EXT1: variants seen among roughly 807,000 people sequenced by gnomAD.
EXT1 encodes exostosin glycosyltransferase 1, also known as exostosin-1.
Under a neutral mutation model 82.5 loss-of-function variants are expected in EXT1, and 20 were observed. The ratio of observed to expected loss-of-function variants is 0.24; its 90% confidence interval spans 0.17 to 0.35. EXT1 has a LOEUF of 0.35. Among genes scored for constraint, EXT1 ranks in the 10% least tolerant of loss-of-function variants. The probability of loss-of-function intolerance (pLI) is 1.00; values close to 1 mark genes in which losing one functional copy is unlikely to be tolerated. For synonymous variants in EXT1, 348 were observed against 350.8 expected (o/e 0.99, Z 0.09); for missense variants, 757 against 936.5 (o/e 0.81, Z 2.50).
chr8:117,912,622 G>A (rs921725154), intron 1 of EXT1, among the ~76,000 whole-genome samples: 1 of 152,208 alleles, frequency 6.6e-6, no homozygotes, highest in Non-Finnish European at 1.5e-5. Flanking sequence ...AGAGCACTGG[G>A]TGGCAGAGGC....
chr8:118,084,244 A>G (rs1347265622), intron 1 of EXT1, among the ~76,000 whole-genome samples: 1 of 152,202 alleles, frequency 6.6e-6, no homozygotes, highest in Non-Finnish European at 1.5e-5. Flanking sequence ...CAGAGTTAAG[A>G]TGCAAGGAAC....
chr8:118,047,951 G>A (rs933526032), intron 1 of EXT1, among the ~76,000 whole-genome samples: 8 of 151,838 alleles, frequency 5.3e-5, no homozygotes, highest in South Asian at 2.1e-4. Context: ...GCTTGAATCC[G>A]GGAGGCAGAG....
intron 1 of EXT1, among the ~76,000 whole-genome samples, chr8:117,918,213 T>C (rs1241846173): frequency 8.5e-5 from 13 of 152,190 alleles, no homozygotes; most frequent in Non-Finnish European, 1.5e-4. Context: ...TTCTATTACA[T>C]TCAACTTTCT....
chr8:117,827,914 G>T (rs905907043), intron 4 of EXT1, among the ~76,000 whole-genome samples: 1 of 149,226 alleles, frequency 6.7e-6, no homozygotes, highest in Non-Finnish European at 1.5e-5. Flanking sequence ...ACCTTGAGAT[G>T]ATTTACTGCA....
At chr8:117,805,115 A>C (rs1274353266) in intron 9 of EXT1, among the ~76,000 whole-genome samples, 2 of 152,216 alleles carry the variant, frequency 1.3e-5, no homozygotes, top group African/African-American at 4.8e-5. Context: ...TTTAGTCTTC[A>C]TAAGGAGCCT....
rs114390836 is a variant in EXT1 at position 117,943,043 on chromosome 8, T to C, written c.963-105842A>G. 9.5e-3 allele frequency among the ~76,000 whole-genome samples: 1,443 copies of C among 152,324 alleles called. 28 individuals are homozygous for C. Among genetic ancestry groups the C allele is most frequent in the African/African-American group, 0.032 (1,349 of 41,572 alleles). On this transcript the variant is annotated intron_variant, in intron 1 of 10. Coordinates refer to ENST00000378204, the MANE Select transcript of EXT1 (RefSeq NM_000127.3). ...ATTTATAATAAAGCAAAATAGTCCA[T>C]ATCCAATTTTCCAGTAGCTCTTTGA...
chr8:117,966,432 T>C (rs1414786118), intron 1 of EXT1, among the ~76,000 whole-genome samples: 1 of 152,216 alleles, frequency 6.6e-6, no homozygotes, highest in Non-Finnish European at 1.5e-5. Flanking sequence ...GTCTGTTATA[T>C]TAATAATAAC....
intron 1 of EXT1, among the ~76,000 whole-genome samples, chr8:117,858,351 G>A (rs1006729688): frequency 1.3e-5 from 2 of 152,072 alleles, no homozygotes; most frequent in Non-Finnish European, 2.9e-5. Context: ...GTCAATCGTT[G>A]CGGCAAACTC....
chr8:118,068,301 G>C (rs527579759), intron 1 of EXT1, among the ~76,000 whole-genome samples: 21 of 152,296 alleles, frequency 1.4e-4, no homozygotes, highest in Admixed American at 2.6e-4. Context: ...TTAAAATCCT[G>C]TCTTACAGGG....
chr8:117,882,168 C>T (rs1813072571), intron 1 of EXT1, among the ~76,000 whole-genome samples: 2 of 152,168 alleles, frequency 1.3e-5, no homozygotes, highest in South Asian at 4.1e-4. Flanking sequence ...TGCAGCTCCG[C>T]TTCCTGGGTT....
intron 1 of EXT1, among the ~76,000 whole-genome samples, chr8:118,104,487 T>G (rs1817775181): frequency 6.6e-6 from 1 of 152,326 alleles, no homozygotes; most frequent in South Asian, 2.1e-4. Flanking sequence ...CACTATTTTC[T>G]TCTTCCAGAG....
At chr8:118,019,922 T>C (rs1816071261) in intron 1 of EXT1, among the ~76,000 whole-genome samples, 1 of 152,204 alleles carries the variant, frequency 6.6e-6, no homozygotes, top group Non-Finnish European at 1.5e-5. Context: ...GGAATGCTTC[T>C]TTCATAGTCT....
chr8:118,102,118 T>C (rs1817729938), intron 1 of EXT1, among the ~76,000 whole-genome samples: 1 of 151,758 alleles, frequency 6.6e-6, no homozygotes, highest in Non-Finnish European at 1.5e-5. Flanking sequence ...AATACAAAAA[T>C]TAGCCGGGTG....
At chr8:117,853,267 G>A (rs1186459472) in intron 1 of EXT1, among the ~76,000 whole-genome samples, 8 of 152,154 alleles carry the variant, frequency 5.3e-5, no homozygotes, top group South Asian at 2.1e-4. Context: ...GTCTGAGGCC[G>A]GGCATGGTGT....
intron 1 of EXT1, among the ~76,000 whole-genome samples, chr8:117,946,473 C>T (rs1319039863): frequency 1.3e-5 from 2 of 152,170 alleles, no homozygotes; most frequent in Non-Finnish European, 2.9e-5. Context: ...CAGCACTCTC[C>T]GGGGCCTGCT....
At chr8:117,821,279 T>A (rs149536892) in intron 5 of EXT1, among the ~76,000 whole-genome samples, 2 of 152,336 alleles carry the variant, frequency 1.3e-5, no homozygotes, top group African/African-American at 4.8e-5. Flanking sequence ...AATATCTAGA[T>A]ACATATTCAA....
At chr8:118,096,041 T>A (rs1817604562) in intron 1 of EXT1, among the ~76,000 whole-genome samples, 1 of 152,214 alleles carries the variant, frequency 6.6e-6, no homozygotes, top group Non-Finnish European at 1.5e-5. Flanking sequence ...AGCCCTGTGT[T>A]ACTGCATTCT....
intron 1 of EXT1, among the ~76,000 whole-genome samples, chr8:117,929,526 T>A (rs1190829279): frequency 6.6e-6 from 1 of 152,208 alleles, no homozygotes; most frequent in Non-Finnish European, 1.5e-5. Flanking sequence ...TATTTTTGAA[T>A]GAATGAACCA....
chr8:117,936,758 C>T (rs1481022323), intron 1 of EXT1, among the ~76,000 whole-genome samples: 1 of 152,118 alleles, frequency 6.6e-6, no homozygotes, highest in Admixed American at 6.6e-5. Context: ...ACCTGTAATC[C>T]CAGCTACTTG....
Sources: gnomAD v4.1 joint callset for allele counts (sites outside exome capture counted in the v4.1 genomes callset) on GRCh38, gnomAD v4.1.1 for gene constraint, MANE v1.5 for transcripts, NCBI Gene and HGNC (gene_info 2026-07-23, HGNC 2026-07-21) for gene names.